The following MAGI2 variants were observed in gnomAD, a reference collection of about 807,000 sequenced individuals.
The protein encoded by MAGI2 is membrane associated guanylate kinase, WW and PDZ domain containing 2, also known as membrane-associated guanylate kinase, WW and PDZ domain-containing protein 2.
In MAGI2, 35 loss-of-function variants were observed where a neutral mutation model predicts 133.3. The observed-to-expected ratio is 0.26, with a 90% confidence interval of 0.20 to 0.35. MAGI2 has a LOEUF of 0.35. Ranked by LOEUF, MAGI2 falls within the 10% of genes least tolerant of loss-of-function variation. The pLI, the probability that MAGI2 is intolerant of heterozygous loss-of-function variation, is 1.00. For missense variants in MAGI2, 1,636 were observed against 1,863.4 expected, an observed-to-expected ratio of 0.88 and a Z score of 2.25; for synonymous variants, 729 against 710.6, an observed-to-expected ratio of 1.03 and a Z score of -0.41.
chr7:79,414,921 G>T (rs1037145640), intron 1 of MAGI2: 3 of 152,062 alleles, frequency 2.0e-5, no homozygotes, highest in Admixed American at 6.6e-5. Context: ...TTAGTAAACT[G>T]CCAGTTCCTT....
intron 9 of MAGI2, among the ~76,000 whole-genome samples, chr7:78,295,437 A>G (rs912948051): frequency 6.6e-6 from 1 of 152,172 alleles, no homozygotes; most frequent in Non-Finnish European, 1.5e-5. Context: ...ATAGCCTCAT[A>G]ACCTCTATTA....
chr7:78,766,143 T>A (rs886472), intron 2 of MAGI2, among the ~76,000 whole-genome samples: 2 of 152,126 alleles, frequency 1.3e-5, no homozygotes, highest in African/African-American at 2.4e-5. Context: ...CAGAGAAAGC[T>A]CTCATCCCTG....
chr7:79,264,759 T>C (rs10253536), intron 1 of MAGI2, among the ~76,000 whole-genome samples: 33,518 of 151,848 alleles, frequency 0.22, 4,791 homozygotes, highest in African/African-American at 0.39. Context: ...CAGAACCTGG[T>C]TGAGGATCTA....
intron 2 of MAGI2, among the ~76,000 whole-genome samples, chr7:78,928,793 T>C (rs1799900391): frequency 1.3e-5 from 2 of 152,064 alleles, no homozygotes; most frequent in African/African-American, 4.8e-5. Context: ...ATTATTTATA[T>C]TGATAGGAAA....
chr7:79,210,371 T>G (rs1829406979), intron 1 of MAGI2, among the ~76,000 whole-genome samples: 1 of 152,218 alleles, frequency 6.6e-6, no homozygotes, highest in East Asian at 1.9e-4. Context: ...TATCTGGGGC[T>G]TTCAGACCAG....
chr7:79,367,623 A>T (rs1842781561), intron 1 of MAGI2, among the ~76,000 whole-genome samples: 1 of 151,998 alleles, frequency 6.6e-6, no homozygotes. Flanking sequence ...AGTCATGGAA[A>T]ATAATATATG....
intron 2 of MAGI2, among the ~76,000 whole-genome samples, chr7:78,935,851 T>C (rs1310530116): frequency 6.6e-6 from 1 of 152,120 alleles, no homozygotes; most frequent in African/African-American, 2.4e-5. Flanking sequence ...TGCTCAAGTC[T>C]GGCCCTACAT....
chr7:78,919,852 T>A (rs1199816783), intron 2 of MAGI2, among the ~76,000 whole-genome samples: 1 of 152,156 alleles, frequency 6.6e-6, no homozygotes, highest in Non-Finnish European at 1.5e-5. Flanking sequence ...TGAAATTTTA[T>A]TCATGCCATT....
Position 78,847,513 on chromosome 7 carries a change from A to T in MAGI2, c.418+159577T>A, listed in dbSNP as rs559267352. On this transcript the variant is annotated intron_variant, in intron 2 of 21. Coordinates refer to ENST00000354212, the MANE Select transcript of MAGI2 (RefSeq NM_012301.4). ...CAAAGTGTTCCCAAATTGAACCCAT[A>T]ATAAGGCAAAGTATGTGAACTGAGC... is the stretch of plus-strand genomic sequence containing the variant. Among the ~76,000 whole-genome samples the T allele has an allele frequency of 7.9e-5, 12 of 152,142 alleles. No homozygotes were observed. In the East Asian group the frequency reaches 2.1e-3, roughly 27 times the overall value.
chr7:78,415,633 G>A (rs1798230729), intron 6 of MAGI2, among the ~76,000 whole-genome samples: 1 of 152,058 alleles, frequency 6.6e-6, no homozygotes. Context: ...TCTGGCAAGT[G>A]TCTCAAGCCA....
chr7:78,686,562 A>AAT, intron 2 of MAGI2, among the ~76,000 whole-genome samples: 1 of 141,894 alleles, frequency 7.0e-6, no homozygotes, highest in African/African-American at 2.9e-5. Flanking sequence ...GGAAAGTGGA[A>AAT]AAAAAAAAAA....
intron 2 of MAGI2, among the ~76,000 whole-genome samples, chr7:78,937,626 C>T (rs1165793960): frequency 3.3e-5 from 5 of 152,012 alleles, no homozygotes; most frequent in South Asian, 4.1e-4. Flanking sequence ...ATCAATGCAA[C>T]GATACTTATA....
chr7:78,020,094 G>GCCGCCC, intron 21 of MAGI2, 118 bp from the exon 22 acceptor site: 3 of 897,176 alleles, frequency 3.3e-6, no homozygotes, highest in Admixed American at 3.3e-5. Context: ...CGGAGCCACC[G>GCCGCCC]CCGCCCCCAC....
intron 3 of MAGI2, among the ~76,000 whole-genome samples, chr7:78,608,828 T>G (rs1330203675): frequency 1.3e-5 from 2 of 152,214 alleles, no homozygotes; most frequent in Non-Finnish European, 2.9e-5. Context: ...TTTTCTCTGC[T>G]AGTTAGCTGA....
intron 3 of MAGI2, among the ~76,000 whole-genome samples, chr7:78,580,479 C>T (rs1235225074): frequency 6.6e-6 from 1 of 152,176 alleles, no homozygotes; most frequent in African/African-American, 2.4e-5. Flanking sequence ...ACAATGCAAT[C>T]TACACAGACT....
At chr7:78,050,198 C>T (rs1267495287) in intron 21 of MAGI2, among the ~76,000 whole-genome samples, 1 of 152,184 alleles carries the variant, frequency 6.6e-6, no homozygotes, top group Non-Finnish European at 1.5e-5. Flanking sequence ...AGTGTTACAT[C>T]TGTGTTTATA....
At chr7:78,350,412 T>C (rs1308939550) in intron 7 of MAGI2, 3 of 152,184 alleles carry the variant, frequency 2.0e-5, no homozygotes, top group East Asian at 1.9e-4. Context: ...TCCACAGGCA[T>C]TGGCATTTTT....
chr7:78,626,302 A>G (rs1370925671), intron 3 of MAGI2, among the ~76,000 whole-genome samples: 1 of 152,206 alleles, frequency 6.6e-6, no homozygotes, highest in Non-Finnish European at 1.5e-5. Flanking sequence ...TTCATTAGAT[A>G]TAAACTAGAT....
At chr7:78,972,415 C>A (rs1803869568) in intron 2 of MAGI2, among the ~76,000 whole-genome samples, 1 of 151,524 alleles carries the variant, frequency 6.6e-6, no homozygotes, top group Non-Finnish European at 1.5e-5. Context: ...CTTAAATATC[C>A]TTTTATTTTT....
Sources: gnomAD v4.1 joint callset for allele counts (sites outside exome capture counted in the v4.1 genomes callset) on GRCh38, gnomAD v4.1.1 for gene constraint, MANE v1.5 for transcripts, NCBI Gene and HGNC (gene_info 2026-07-23, HGNC 2026-07-21) for gene names.